CNTNAP5: variants seen among roughly 807,000 people sequenced by gnomAD.
CNTNAP5 encodes contactin-associated protein-like 5.
CNTNAP5 carries 72 observed loss-of-function variants against 150.2 expected under a neutral mutation model. The observed-to-expected ratio is 0.48, with a 90% CI of 0.40 to 0.58. CNTNAP5 has a LOEUF of 0.58. Among genes scored for constraint, CNTNAP5 ranks in the 20% least tolerant of loss-of-function variants. The pLI, the probability that CNTNAP5 is intolerant of heterozygous loss-of-function variation, is 0.00. For synonymous variants in CNTNAP5, 672 were observed against 619.8 expected, an observed-to-expected ratio of 1.08 and a Z score of -1.25; for missense variants, 1,636 against 1,626.2, an observed-to-expected ratio of 1.01 and a Z score of -0.10.
chr2:124,920,189 C>T lies in CNTNAP5; in HGVS notation c.*5901C>T, dbSNP rs1243875869. On this transcript the variant is annotated 3_prime_UTR_variant, in exon 24 of 24. Coordinates refer to ENST00000682447, the MANE Select transcript of CNTNAP5 (RefSeq NM_001367498.1). Reference sequence around the variant, plus strand: ...TGAAGATAATTGTGTTAGTGATTAACGCCTGGTCTTATTTTAACGAGTGTC... The same window carrying T: ...TGAAGATAATTGTGTTAGTGATTAATGCCTGGTCTTATTTTAACGAGTGTC... Among the ~76,000 whole-genome samples, 7 of 152,082 alleles carry T rather than the reference C, an allele frequency of 4.6e-5. No individual in the cohort carries two copies. Among genetic ancestry groups the T allele is most frequent in the South Asian group, 4.1e-4 (2 of 4,830 alleles).
chr2:124,763,486 G>A (rs1250021323), intron 14 of CNTNAP5, among the ~76,000 whole-genome samples, 186 bp from the exon 15 acceptor site: 6 of 152,062 alleles, frequency 3.9e-5, no homozygotes, highest in Non-Finnish European at 8.8e-5. Flanking sequence ...AGCCAGTCAT[G>A]GGTTTTGTAA....
intron 10 of CNTNAP5, among the ~76,000 whole-genome samples, chr2:124,537,091 A>G (rs990201795): frequency 6.6e-6 from 1 of 152,072 alleles, no homozygotes; most frequent in Non-Finnish European, 1.5e-5. Context: ...CTTCACCACA[A>G]TGTTGTGAGG....
At chr2:124,199,448 T>C (rs1482293434) in intron 1 of CNTNAP5, among the ~76,000 whole-genome samples, 2 of 127,168 alleles carry the variant, frequency 1.6e-5, no homozygotes, top group Non-Finnish European at 3.2e-5. Context: ...GGAGTTTCAC[T>C]CTTGTTGCCC....
At chr2:124,045,154 G>A (rs923976121) in intron 1 of CNTNAP5, among the ~76,000 whole-genome samples, 2 of 152,012 alleles carry the variant, frequency 1.3e-5, no homozygotes, top group Admixed American at 6.6e-5. Context: ...ACTTCAAGAT[G>A]CCTCAGGGAA....
chr2:124,773,368 G>A (rs1345291433), intron 17 of CNTNAP5, among the ~76,000 whole-genome samples: 1 of 152,158 alleles, frequency 6.6e-6, no homozygotes, highest in East Asian at 1.9e-4. Flanking sequence ...AGTGGGTGTA[G>A]ACTGTAAGTC....
chr2:124,607,161 A>G (rs1052239196), intron 11 of CNTNAP5, among the ~76,000 whole-genome samples: 5 of 152,190 alleles, frequency 3.3e-5, no homozygotes, highest in African/African-American at 1.2e-4. Flanking sequence ...CAACACCTGG[A>G]AACAACAGAC....
chr2:124,172,124 C>T (rs1392048908), intron 1 of CNTNAP5, among the ~76,000 whole-genome samples: 1 of 152,068 alleles, frequency 6.6e-6, no homozygotes, highest in Non-Finnish European at 1.5e-5. Context: ...TGCATTTTTC[C>T]TTTTGAAATA....
chr2:124,342,566 A>G (rs1689643875), intron 3 of CNTNAP5, among the ~76,000 whole-genome samples: 1 of 152,202 alleles, frequency 6.6e-6, no homozygotes, highest in African/African-American at 2.4e-5. Flanking sequence ...TGGTAATATA[A>G]CAGTGTTTCC....
intron 1 of CNTNAP5, among the ~76,000 whole-genome samples, chr2:124,055,424 C>T (rs546553538): frequency 2.0e-5 from 3 of 152,150 alleles, no homozygotes; most frequent in Non-Finnish European, 2.9e-5. Flanking sequence ...TCTCTGGTTA[C>T]TCCTTCTTCT....
intron 1 of CNTNAP5, among the ~76,000 whole-genome samples, chr2:124,140,081 C>T (rs1206048710): frequency 2.6e-5 from 4 of 151,722 alleles, no homozygotes; most frequent in South Asian, 4.2e-4. Context: ...CTTTTCAGAC[C>T]GGCTTAAAAA....
intron 11 of CNTNAP5, among the ~76,000 whole-genome samples, chr2:124,583,738 A>G (rs951711391): frequency 1.3e-5 from 2 of 151,882 alleles, no homozygotes; most frequent in Non-Finnish European, 2.9e-5. Flanking sequence ...TGGCTTTTTG[A>G]CTCATCTCAC....
At chr2:124,227,190 A>G (rs919836790) in intron 2 of CNTNAP5, among the ~76,000 whole-genome samples, 1 of 152,144 alleles carries the variant, frequency 6.6e-6, no homozygotes, top group African/African-American at 2.4e-5. Flanking sequence ...CTTGTTCAAT[A>G]CACTGAGCCA....
chr2:124,741,353 G>C (rs969373601), intron 13 of CNTNAP5, among the ~76,000 whole-genome samples: 2 of 152,136 alleles, frequency 1.3e-5, no homozygotes, highest in African/African-American at 4.8e-5. Context: ...CGTAGCTGCA[G>C]TTATCACCAG....
intron 1 of CNTNAP5, among the ~76,000 whole-genome samples, chr2:124,048,538 A>G (rs768513599): frequency 5.9e-5 from 9 of 152,112 alleles, no homozygotes; most frequent in Non-Finnish European, 8.8e-5. Flanking sequence ...TCCATTGGAC[A>G]TTTGAGGGCT....
intron 1 of CNTNAP5, among the ~76,000 whole-genome samples, chr2:124,155,075 G>GTTTTTT (rs36194209): frequency 8.6e-5 from 7 of 81,372 alleles, no homozygotes; most frequent in African/African-American, 3.4e-4. Flanking sequence ...AACCATTCCC[G>GTTTTTT]TTTTTTTTTT....
chr2:124,358,838 T>A (rs375347708), intron 3 of CNTNAP5, among the ~76,000 whole-genome samples: 7 of 150,932 alleles, frequency 4.6e-5, no homozygotes, highest in South Asian at 4.2e-4. Context: ...TAGGGAGGAT[T>A]CCCTCTTTTT....
At chr2:124,747,113 A>C in intron 13 of CNTNAP5, 116 bp from the exon 14 acceptor site, 1 of 842,614 alleles carries the variant, frequency 1.2e-6, no homozygotes, top group Non-Finnish European at 1.7e-6. Context: ...CAGGAAGGGA[A>C]GGAGATTATC....
At chr2:124,241,283 T>C (rs1449221426) in intron 2 of CNTNAP5, among the ~76,000 whole-genome samples, 1 of 152,134 alleles carries the variant, frequency 6.6e-6, no homozygotes, top group Non-Finnish European at 1.5e-5. Flanking sequence ...GCCAAAACAG[T>C]TTTTGTATGT....
chr2:124,444,789 C>T (rs1358208687), intron 5 of CNTNAP5, among the ~76,000 whole-genome samples: 6 of 152,220 alleles, frequency 3.9e-5, no homozygotes, highest in Admixed American at 2.0e-4. Flanking sequence ...CGCTTCCCTA[C>T]ATCTCTAAAC....
Sources: gnomAD v4.1 joint callset for allele counts (sites outside exome capture counted in the v4.1 genomes callset) on GRCh38, gnomAD v4.1.1 for gene constraint, MANE v1.5 for transcripts, NCBI Gene and HGNC (gene_info 2026-07-23, HGNC 2026-07-21) for gene names.